The following CLDN10 variants were observed in gnomAD, a reference collection of about 807,000 sequenced individuals.
CLDN10 encodes claudin-10.
Under a neutral mutation model 22.9 loss-of-function variants are expected in CLDN10, and 15 were observed. The ratio of observed to expected loss-of-function variants is 0.65; its 90% CI spans 0.44 to 1.01. The LOEUF is 1.01. Ranked by LOEUF, CLDN10 falls within the 50% of genes least tolerant of loss-of-function variation. The pLI is 0.00. For missense variants in CLDN10, 247 were observed against 287.8 expected, an observed-to-expected ratio of 0.86 and a Z score of 1.03; for synonymous variants, 114 against 111.4, an observed-to-expected ratio of 1.02 and a Z score of -0.15.
At chr13:95,459,658 T>C (rs533810884) in intron 1 of CLDN10, among the ~76,000 whole-genome samples, 1 of 152,156 alleles carries the variant, frequency 6.6e-6, no homozygotes, top group Non-Finnish European at 1.5e-5. Flanking sequence ...CAGTTTTTCC[T>C]CCTAGGCCTC....
chr13:95,551,266 G>A (rs2043562992), upstream of CLDN10, among the ~76,000 whole-genome samples: 1 of 152,148 alleles, frequency 6.6e-6, no homozygotes, highest in South Asian at 2.1e-4. Context: ...AGGAAGAAAA[G>A]CTTTTTTAAA....
chr13:95,524,371 T>C (rs932360006), intron 1 of CLDN10, among the ~76,000 whole-genome samples: 1 of 152,250 alleles, frequency 6.6e-6, no homozygotes, highest in Non-Finnish European at 1.5e-5. Flanking sequence ...TGGCTTTTAG[T>C]ATATTACTAT....
upstream of CLDN10, among the ~76,000 whole-genome samples, chr13:95,550,513 G>T (rs1264316273): frequency 2.0e-5 from 3 of 152,122 alleles, no homozygotes; most frequent in African/African-American, 7.2e-5. Context: ...AGGGACTATC[G>T]AACAAGGCCA....
rs2043973558 is a variant in CLDN10, at chr13:95,578,709, G to C, written c.*695G>C. Reference sequence around the variant, plus strand: ...ATGTATGCAGAGAGTTACGTAGCAGGGGATGTTCTCTGATTTATTCCACTG... The same window carrying C: ...ATGTATGCAGAGAGTTACGTAGCAGCGGATGTTCTCTGATTTATTCCACTG... On this transcript the variant is annotated 3_prime_UTR_variant, in exon 5 of 5. Coordinates refer to ENST00000299339, the MANE Select transcript of CLDN10 (RefSeq NM_006984.5). 1 of 152,144 alleles carries C rather than the reference G, an allele frequency of 6.6e-6. No individual in the cohort carries two copies. The highest frequency in any genetic ancestry group is 2.1e-4 in the South Asian group (1 of 4,824). 9.4% of individuals were successfully genotyped at this position (152,144 alleles called of 1,614,324 possible). A position where few individuals can be genotyped will look rare whatever the true frequency, so the allele number is the denominator to read the frequency against.
intron 1 of CLDN10, among the ~76,000 whole-genome samples, chr13:95,495,344 A>G (rs1283563283): frequency 1.3e-5 from 2 of 151,744 alleles, no homozygotes; most frequent in African/African-American, 2.4e-5. Flanking sequence ...GCCCCTTTGC[A>G]TATATTTAGC....
intron 1 of CLDN10, among the ~76,000 whole-genome samples, chr13:95,506,256 T>C (rs2043037685): frequency 6.6e-6 from 1 of 152,104 alleles, no homozygotes; most frequent in Non-Finnish European, 1.5e-5. Flanking sequence ...TGAAATTTAA[T>C]TTCCATCCCT....
intron 1 of CLDN10, among the ~76,000 whole-genome samples, chr13:95,471,455 T>TATATATA (rs1566287029): frequency 1.5e-4 from 11 of 71,472 alleles, no homozygotes; most frequent in Non-Finnish European, 1.8e-4. Flanking sequence ...ATATATATAT[T>TATATATA]TTTTTTTTTT....
At chr13:95,528,816 G>A (rs76193402) in intron 1 of CLDN10, among the ~76,000 whole-genome samples, 4,606 of 152,160 alleles carry the variant, frequency 0.03, 102 homozygotes, top group Middle Eastern at 0.082. Flanking sequence ...ATGGGTAGTT[G>A]GCAAGAAAAA....
At chr13:95,472,688 A>G (rs1314335759) in intron 1 of CLDN10, among the ~76,000 whole-genome samples, 2 of 151,140 alleles carry the variant, frequency 1.3e-5, no homozygotes, top group Non-Finnish European at 2.9e-5. Context: ...AAAAAAAAAT[A>G]GAGTGGGATA....
intron 1 of CLDN10, among the ~76,000 whole-genome samples, chr13:95,556,265 T>G (rs981385609): frequency 5.4e-4 from 82 of 152,030 alleles, no homozygotes; most frequent in African/African-American, 2.0e-3. Flanking sequence ...AGGCTGGTCT[T>G]GAACTCCTGA....
At chr13:95,558,433 T>C (rs998401331) in intron 1 of CLDN10, among the ~76,000 whole-genome samples, 1 of 152,228 alleles carries the variant, frequency 6.6e-6, no homozygotes, top group African/African-American at 2.4e-5. Flanking sequence ...TGTTTTGCTG[T>C]TTTTGATAGC....
At chr13:95,568,026 C>G (rs2138672637) in intron 3 of CLDN10, among the ~76,000 whole-genome samples, 1 of 152,264 alleles carries the variant, frequency 6.6e-6, no homozygotes, top group Admixed American at 6.5e-5. Flanking sequence ...AATTTCTAGG[C>G]TATACAGATT....
intron 1 of CLDN10, among the ~76,000 whole-genome samples, chr13:95,467,735 A>T (rs1475745831): frequency 3.3e-5 from 5 of 152,344 alleles, no homozygotes; most frequent in Non-Finnish European, 7.3e-5. Context: ...AACAGGTCCC[A>T]AGATCTGCAG....
intron 1 of CLDN10, among the ~76,000 whole-genome samples, chr13:95,476,349 A>G (rs1262415541): frequency 2.0e-5 from 3 of 152,126 alleles, no homozygotes; most frequent in Non-Finnish European, 4.4e-5. Context: ...GTGCTGATGG[A>G]TTTGGTGTCC....
chr13:95,489,349 AGG>A (rs2042844112), intron 1 of CLDN10, among the ~76,000 whole-genome samples: 1 of 151,722 alleles, frequency 6.6e-6, no homozygotes, highest in East Asian at 1.9e-4. Context: ...GCAATGCAGA[AGG>A]GTTCCCTGTT....
chr13:95,536,502 A>G (rs1243491464), intron 1 of CLDN10, among the ~76,000 whole-genome samples: 1 of 152,172 alleles, frequency 6.6e-6, no homozygotes, highest in Non-Finnish European at 1.5e-5. Context: ...TAACCATACA[A>G]AACTTACAGC....
At chr13:95,531,414 A>C (rs1240976744) in intron 1 of CLDN10, among the ~76,000 whole-genome samples, 1 of 152,242 alleles carries the variant, frequency 6.6e-6, no homozygotes, top group Non-Finnish European at 1.5e-5. Flanking sequence ...GCCATAGGGC[A>C]TCAATTTTTC....
intron 1 of CLDN10, among the ~76,000 whole-genome samples, chr13:95,484,758 C>T (rs1385504860): frequency 6.7e-6 from 1 of 148,348 alleles, no homozygotes; most frequent in African/African-American, 2.5e-5. Flanking sequence ...TCCAGCTACT[C>T]GGGAGGCTGA....
intron 1 of CLDN10, among the ~76,000 whole-genome samples, chr13:95,477,386 G>T (rs1239683546): frequency 6.6e-6 from 1 of 152,166 alleles, no homozygotes; most frequent in East Asian, 1.9e-4. Flanking sequence ...GGGGATAGTG[G>T]CCTGGAGTGT....
Sources: allele counts gnomAD v4.1 joint callset (sites outside exome capture counted in the v4.1 genomes callset), GRCh38; gene constraint gnomAD v4.1.1; transcripts MANE v1.5; gene names NCBI Gene and HGNC (gene_info 2026-07-23, HGNC 2026-07-21).